Variants in TTC21B observed in about 807,000 individuals in gnomAD.
TTC21B encodes the protein tetratricopeptide repeat domain 21B.
TTC21B carries 127 observed loss-of-function variants against 175.1 expected under a neutral mutation model. The observed-to-expected ratio is 0.73, with a 90% CI of 0.63 to 0.84. TTC21B has a LOEUF of 0.84. Among genes scored for constraint, TTC21B ranks in the 40% least tolerant of loss-of-function variants. TTC21B has a pLI of 0.00. For missense variants in TTC21B, 1,561 were observed against 1,558.3 expected, an observed-to-expected ratio of 1.00 and a Z score of -0.03; for synonymous variants, 524 against 524.5, an observed-to-expected ratio of 1.00 and a Z score of 0.01.
chr2:165,952,830 T>C (rs901643818), intron 1 of TTC21B, among the ~76,000 whole-genome samples: 8 of 152,254 alleles, frequency 5.3e-5, no homozygotes, highest in African/African-American at 1.9e-4. Flanking sequence ...TGACTCCTCC[T>C]ACTCAAATGT....
chr2:165,883,206 T>C (rs890937367), intron 26 of TTC21B, among the ~76,000 whole-genome samples: 6 of 152,166 alleles, frequency 3.9e-5, no homozygotes, highest in African/African-American at 1.2e-4. Context: ...ATCTTAACTT[T>C]AAAGAACTGT....
At chr2:165,911,554 T>C in intron 17 of TTC21B, 89 bp from the exon 18 acceptor site, 1 of 1,483,446 alleles carries the variant, frequency 6.7e-7, no homozygotes, top group Non-Finnish European at 9.4e-7. Flanking sequence ...CTTAAAGCAT[T>C]GGTATAACTA....
chr2:165,926,203 T>C (rs1277273026), intron 11 of TTC21B, among the ~76,000 whole-genome samples: 1 of 152,144 alleles, frequency 6.6e-6, no homozygotes, highest in Non-Finnish European at 1.5e-5. Context: ...TAAAGGAAAA[T>C]AGGATGTCCA....
chr2:165,877,745 A>G (rs1023911753), intron 27 of TTC21B, among the ~76,000 whole-genome samples: 2 of 152,068 alleles, frequency 1.3e-5, no homozygotes, highest in Non-Finnish European at 1.5e-5. Flanking sequence ...ATAGGTGTGT[A>G]TATATATATC....
At position 165,917,216 on chromosome 2, in the gene TTC21B, G is replaced by GA. The variant is rs767348979; in HGVS notation, c.1899+40dup. 8 of 1,557,048 alleles carry GA rather than the reference G, an allele frequency of 5.1e-6. No individual in the cohort carries two copies. In the East Asian group the frequency reaches 6.7e-5, roughly 13 times the overall value. ...TCTACTAATATATATGTTAGAATAA[G>GA]AAAGTTCACATCCGAGCCCTTAAAT... On this transcript the variant is annotated intron_variant, in intron 14 of 28. Coordinates refer to ENST00000243344, the MANE Select transcript of TTC21B (RefSeq NM_024753.5).
At chr2:165,918,440 A>G (rs1330895794) in intron 13 of TTC21B, among the ~76,000 whole-genome samples, 1 of 151,938 alleles carries the variant, frequency 6.6e-6, no homozygotes, top group Non-Finnish European at 1.5e-5. Flanking sequence ...GACTACAGGC[A>G]CCCGCCACCA....
chr2:165,895,335 G>C (rs924503157), intron 22 of TTC21B, among the ~76,000 whole-genome samples: 2 of 152,128 alleles, frequency 1.3e-5, no homozygotes, highest in African/African-American at 4.8e-5. Flanking sequence ...TTGGGAAAAA[G>C]GCTGCTGCCA....
At chr2:165,926,947 T>G (rs1686651500) in intron 11 of TTC21B, among the ~76,000 whole-genome samples, 1 of 137,940 alleles carries the variant, frequency 7.2e-6, no homozygotes, top group African/African-American at 2.8e-5. Flanking sequence ...TAATATTCTT[T>G]AATAAACTCC....
chr2:165,953,678 C>A lies in TTC21B; in HGVS notation c.21+7G>T, dbSNP rs1687834747. On this transcript the variant is annotated splice_region_variant and intron_variant, in intron 1 of 28. Coordinates refer to ENST00000243344, the MANE Select transcript of TTC21B (RefSeq NM_024753.5). ...CCGCTCACCCGCTCACCCGCTCACC[C>A]GCTCACCTTCAATTCCTGCGAGTCC... 1 of 1,548,592 alleles carries A rather than the reference C, an allele frequency of 6.5e-7. No individual in the cohort carries two copies. Among genetic ancestry groups the A allele is most frequent in the Non-Finnish European group, 8.7e-7 (1 of 1,146,596 alleles).
rs1685070338 is a variant in TTC21B at position 165,888,131 on chromosome 2, C to T, written c.3459+148G>A. 7.9e-6 allele frequency: 5 copies of T among 633,864 alleles called. No homozygotes were observed. The Admixed American group carries it at 1.4e-4, about 18-fold the overall frequency. 39.3% of individuals were successfully genotyped at this position (633,864 alleles called of 1,614,324 possible). Reference sequence around the variant, plus strand: ...ATCGTCTCTTCCGCCAAGAAGGGGACATTGTGTATGCCCAACTATATACCT... The same window carrying T: ...ATCGTCTCTTCCGCCAAGAAGGGGATATTGTGTATGCCCAACTATATACCT... On this transcript the variant is annotated intron_variant, in intron 25 of 28. Transcript: ENST00000243344.
chr2:165,899,177 A>C (rs1277223030), intron 21 of TTC21B, among the ~76,000 whole-genome samples: 9 of 152,236 alleles, frequency 5.9e-5, no homozygotes, highest in Non-Finnish European at 1.2e-4. Flanking sequence ...ATTAAAAATG[A>C]GCAAGACCTA....
Position 165,946,385 on chromosome 2 carries a change from TA to T in TTC21B, c.263-696del, listed in dbSNP as rs558439863. 1.3e-3 allele frequency among the ~76,000 whole-genome samples: 201 copies of T among 152,252 alleles called. 1 individual carries two copies. The highest frequency in any genetic ancestry group is 4.6e-3 in the African/African-American group (191 of 41,552). On this transcript the variant is annotated intron_variant, in intron 3 of 28. Coordinates refer to ENST00000243344, the MANE Select transcript of TTC21B (RefSeq NM_024753.5). Reference sequence around the variant, plus strand: ...ATTTTATTTAAAAATACTTGATTTGTAGTTTTCATAAAACTTATGGCTGAAA... The same window carrying T: ...ATTTTATTTAAAAATACTTGATTTGTGTTTTCATAAAACTTATGGCTGAAA...
At chr2:165,895,517 C>A (rs887026955) in intron 22 of TTC21B, among the ~76,000 whole-genome samples, 1 of 152,042 alleles carries the variant, frequency 6.6e-6, no homozygotes, top group Admixed American at 6.6e-5. Context: ...AAAGTTAGAT[C>A]ATTGTCTCAA....
intron 1 of TTC21B, among the ~76,000 whole-genome samples, chr2:165,950,070 T>TAAAAA (rs769740344): frequency 1.6e-5 from 2 of 128,914 alleles, no homozygotes; most frequent in African/African-American, 3.0e-5. Context: ...AAACAGGAAC[T>TAAAAA]AAAAAAAAAA....
chr2:165,915,465 A>G (rs142113816), intron 14 of TTC21B, 26 bp from the exon 15 acceptor site: 1 of 1,553,620 alleles, frequency 6.4e-7, no homozygotes, highest in African/African-American at 1.4e-5. Flanking sequence ...TAAAATAATC[A>G]TTCTTCCAAA....
chr2:165,898,332 T>C (rs1559045963), intron 22 of TTC21B, among the ~76,000 whole-genome samples: 2 of 152,048 alleles, frequency 1.3e-5, no homozygotes. Flanking sequence ...CAGGTACAAA[T>C]ATTCTCTTAG....
At chr2:165,930,479 G>GA in intron 8 of TTC21B, 115 bp from the exon 9 acceptor site, 1 of 681,334 alleles carries the variant, frequency 1.5e-6, no homozygotes, top group South Asian at 3.2e-5. Flanking sequence ...TGATGAAAAA[G>GA]AAAAAAATTA....
In TTC21B at chr2:165,911,669, T is replaced by TA. The variant is rs200422083; in HGVS notation, c.2323-205_2323-204insT. On this transcript the variant is annotated intron_variant, in intron 17 of 28. Transcript: ENST00000243344. The stretch of plus-strand genomic sequence containing the variant: ...ATGAAACAACTAATATATATATATA[T>TA]TTTTTTTTTTTGAGTCACAGTCTCA... 0.2 allele frequency among the ~76,000 whole-genome samples: 24,824 copies of TA among 121,390 alleles called. 2,503 individuals are homozygous for TA. Among genetic ancestry groups the TA allele is most frequent in the African/African-American group, 0.31 (11,045 of 35,898 alleles). 79.6% of individuals were successfully genotyped at this position (121,390 alleles called of 152,430 possible).
chr2:165,930,770 A>AGTGTGTGTGTG (rs1553514267), intron 8 of TTC21B, among the ~76,000 whole-genome samples: 5 of 97,116 alleles, frequency 5.1e-5, no homozygotes, highest in South Asian at 3.4e-4. Context: ...TGTGTGTATA[A>AGTGTGTGTGTG]TATATGTATG....
Sources: gnomAD v4.1 joint callset for allele counts (sites outside exome capture counted in the v4.1 genomes callset) on GRCh38, gnomAD v4.1.1 for gene constraint, MANE v1.5 for transcripts, NCBI Gene and HGNC (gene_info 2026-07-23, HGNC 2026-07-21) for gene names.